Variants in CYP2S1 observed in about 807,000 individuals in gnomAD.
The protein encoded by CYP2S1 is cytochrome P450 family 2 subfamily S member 1.
CYP2S1 carries 32 observed loss-of-function variants against 43.5 expected under a neutral mutation model. The ratio of observed to expected loss-of-function variants is 0.74; its 90% CI spans 0.56 to 0.99. The LOEUF is 0.99. Among genes scored for constraint, CYP2S1 ranks in the 50% least tolerant of loss-of-function variants. The pLI is 0.00. For missense variants in CYP2S1, 575 were observed against 673.9 expected (o/e 0.85, Z 1.62); for synonymous variants, 283 against 302.9 (o/e 0.93, Z 0.68).
At chr19:41,204,103 T>C (rs988989593) in intron 7 of CYP2S1, among the ~76,000 whole-genome samples, 1 of 152,140 alleles carries the variant, frequency 6.6e-6, no homozygotes, top group Non-Finnish European at 1.5e-5. Context: ...CCTCGTGATC[T>C]GCCCGCTTCG....
chr19:41,200,574 G>A (rs767606658), intron 5 of CYP2S1, among the ~76,000 whole-genome samples: 5 of 151,980 alleles, frequency 3.3e-5, no homozygotes, highest in Admixed American at 6.6e-5. Flanking sequence ...GAGTTTCATC[G>A]TGTTAGCCAG....
At chr19:41,196,938 G>C (rs2122154468) in intron 2 of CYP2S1, among the ~76,000 whole-genome samples, 1 of 152,260 alleles carries the variant, frequency 6.6e-6, no homozygotes, top group South Asian at 2.1e-4. Flanking sequence ...GCTCACGCTT[G>C]CCATTCTAGC....
At chr19:41,197,342 T>C (rs2033425145) in intron 2 of CYP2S1, among the ~76,000 whole-genome samples, 2 of 152,172 alleles carry the variant, frequency 1.3e-5, no homozygotes, top group Non-Finnish European at 2.9e-5. Context: ...TCCTCATCCC[T>C]GGGCTAGGCT....
chr19:41,206,706 A>T lies in CYP2S1; in HGVS notation c.*218A>T. The T allele has an allele frequency of 1.3e-6, 1 of 767,480 alleles. No individual in the cohort carries two copies. The highest frequency in any genetic ancestry group is 2.5e-5 in the East Asian group (1 of 40,558). The allele number at this position is 767,480 out of a possible 1,614,324, so 47.5% of individuals were successfully genotyped here. A position where few individuals can be genotyped will look rare whatever the true frequency, so the allele number is the denominator to read the frequency against. ...CCCATACACAACTACAAGGGCCACA[A>T]AGCAACTGCTGGGTTAGCTTTCCAC... On this transcript the variant is annotated 3_prime_UTR_variant, in exon 9 of 9. Transcript: ENST00000310054.
intron 1 of CYP2S1, 170 bp downstream of exon 1, chr19:41,193,611 A>C: frequency 7.9e-7 from 1 of 1,265,998 alleles, no homozygotes; most frequent in Non-Finnish European, 1.0e-6. Flanking sequence ...CAGGTTGTCC[A>C]GGGCTGAGAA....
chr19:41,203,359 C>G (rs557229724), intron 6 of CYP2S1, 91 bp from the exon 7 acceptor site: 35 of 1,403,736 alleles, frequency 2.5e-5, no homozygotes, highest in Non-Finnish European at 3.2e-5. Flanking sequence ...CAGCCTCACC[C>G]CAAACTACAG....
intron 7 of CYP2S1, 93 bp downstream of exon 7, chr19:41,203,730 TC>T: frequency 1.6e-6 from 2 of 1,280,122 alleles, no homozygotes; most frequent in Non-Finnish European, 2.1e-6. Flanking sequence ...TTTTTCTTGA[TC>T]TTAGTGTCTC....
intron 7 of CYP2S1, among the ~76,000 whole-genome samples, chr19:41,204,747 GC>G (rs1435801835): frequency 6.6e-6 from 1 of 151,584 alleles, no homozygotes; most frequent in East Asian, 1.9e-4. Context: ...ACAGGTGTAT[GC>G]CACCACACCC....
chr19:41,205,380 T>TTCTTTCTTTCTC (rs1555727582), intron 7 of CYP2S1, among the ~76,000 whole-genome samples: 89 of 127,756 alleles, frequency 7.0e-4, no homozygotes, highest in African/African-American at 1.4e-3. Flanking sequence ...CTTTCTTTCT[T>TTCTTTCTTTCTC]TCTCTCTCTC....
In CYP2S1 at chr19:41,198,518, T is replaced by A; in HGVS notation, c.550T>A (p.Ser184Thr). 1 of 1,614,060 alleles carries A rather than the reference T, an allele frequency of 6.2e-7. No homozygotes were observed. The highest frequency in any genetic ancestry group is 8.5e-7 in the Non-Finnish European group (1 of 1,179,988). ...CCAGGCCACCTCCAACGTAGTCTGC[T>A]CCCTCCTCTTTGGCCTCCGCTTCTC... ...LAQATSNVVC[S>T]LLFGLRFSYE... The change falls in exon 4 of 9, where the codon TCC (serine) becomes ACC (threonine). Residue 184 changes from serine (S) to threonine (T), a missense_variant. Transcript: ENST00000310054. The surrounding 1 kb of genome is among the most constrained non-coding windows in gnomAD (Gnocchi z 4.9).
intron 1 of CYP2S1, 184 bp downstream of exon 1, chr19:41,193,625 G>A (rs1481547102): frequency 3.9e-5 from 47 of 1,215,950 alleles, no homozygotes; most frequent in Non-Finnish European, 4.6e-5. Context: ...CTGAGAAGGG[G>A]AGAGGTGCCC....
intron 2 of CYP2S1, among the ~76,000 whole-genome samples, chr19:41,196,117 C>T (rs376360320): frequency 6.6e-6 from 1 of 152,010 alleles, no homozygotes; most frequent in African/African-American, 2.4e-5. Context: ...GAAGGCTTCT[C>T]AGAGAAGGTG....
At chr19:41,202,095 C>G (rs183959663) in intron 6 of CYP2S1, among the ~76,000 whole-genome samples, 2 of 152,268 alleles carry the variant, frequency 1.3e-5, no homozygotes, top group Non-Finnish European at 2.9e-5. Context: ...TCAAGCAATT[C>G]TCCTGCCTCA....
At chr19:41,205,039 C>T (rs2033545190) in intron 7 of CYP2S1, among the ~76,000 whole-genome samples, 1 of 152,104 alleles carries the variant, frequency 6.6e-6, no homozygotes, top group East Asian at 1.9e-4. Flanking sequence ...ACCAACTCAA[C>T]TCTTGGGAAC....
At chr19:41,193,644 G>T in intron 1 of CYP2S1, 1 of 1,092,480 alleles carries the variant, frequency 9.2e-7, no homozygotes, top group Non-Finnish European at 1.2e-6. Context: ...CCGGGAGAGA[G>T]GATCGTGGGG....
chr19:41,194,744 C>T (rs751137113), intron 2 of CYP2S1, 35 bp downstream of exon 2: 1 of 1,584,510 alleles, frequency 6.3e-7, no homozygotes, highest in Non-Finnish European at 8.5e-7. Context: ...CCGCTCACAG[C>T]CTGCCACCAC....
At chr19:41,206,211 C>T (rs973408366) in intron 8 of CYP2S1, 69 bp from the exon 9 acceptor site, 242 of 1,610,746 alleles carry the variant, frequency 1.5e-4, no homozygotes, top group Non-Finnish European at 1.9e-4. Context: ...CCTCCACCTG[C>T]TGTTCCCCCC....
intron 5 of CYP2S1, among the ~76,000 whole-genome samples, chr19:41,199,763 G>A (rs555145108): frequency 3.3e-5 from 5 of 151,778 alleles, no homozygotes; most frequent in East Asian, 3.9e-4. Flanking sequence ...TCGGGAGTTC[G>A]AGACCAGCCT....
chr19:41,203,330 A>T, intron 6 of CYP2S1, 120 bp from the exon 7 acceptor site: 2 of 1,123,222 alleles, frequency 1.8e-6, no homozygotes, highest in Non-Finnish European at 2.4e-6. Flanking sequence ...GGGCTGGGGG[A>T]CCACTCCTCC....
Sources: gnomAD v4.1 joint callset for allele counts (sites outside exome capture counted in the v4.1 genomes callset) on GRCh38, gnomAD v4.1.1 for gene constraint, Gnocchi (gnomAD v3.1) non-coding constraint, MANE v1.5 for transcripts, NCBI Gene and HGNC (gene_info 2026-07-23, HGNC 2026-07-21) for gene names.